The following AGMO variants were observed in gnomAD, a reference collection of about 807,000 sequenced individuals.
AGMO encodes the protein alkylglycerol monooxygenase.
In AGMO, 75 loss-of-function variants were observed where a neutral mutation model predicts 60.2. That is an observed-to-expected ratio of 1.25 (90% CI 1.03 to 1.51). The LOEUF (loss-of-function observed/expected upper bound fraction) is 1.51, where lower values mean the gene tolerates loss of function less well. Ranked by LOEUF, AGMO falls within the 40% of genes most tolerant of loss-of-function variation. The pLI, the probability that AGMO is intolerant of heterozygous loss-of-function variation, is 0.00. For missense variants in AGMO, 763 were observed against 525.5 expected, an observed-to-expected ratio of 1.45 and a Z score of -4.42; for synonymous variants, 261 against 177.1, an observed-to-expected ratio of 1.47 and a Z score of -3.76.
At chr7:15,361,935 T>C (rs1048519544) in intron 12 of AGMO, among the ~76,000 whole-genome samples, 2 of 152,146 alleles carry the variant, frequency 1.3e-5, no homozygotes, top group Admixed American at 6.5e-5. Flanking sequence ...ATGCTACCAA[T>C]ATATACAACA....
chr7:15,241,140 G>T (rs930458892), intron 12 of AGMO, among the ~76,000 whole-genome samples: 4 of 151,860 alleles, frequency 2.6e-5, no homozygotes. Flanking sequence ...CACTCTGGTA[G>T]GTATCAAGCC....
In AGMO at chr7:15,248,197, T is replaced by TATATAC. The variant is rs1215950987; in HGVS notation, c.1264-46839_1264-46838insGTATAT. Among the ~76,000 whole-genome samples, 24 of 82,614 alleles carry TATATAC rather than the reference T, an allele frequency of 2.9e-4. 1 individual carries two copies. Among genetic ancestry groups the TATATAC allele is most frequent in the Admixed American group, 6.1e-4 (5 of 8,258 alleles). The allele number at this position is 82,614 out of a possible 152,430, so 54.2% of individuals were successfully genotyped here. On this transcript the variant is annotated intron_variant, in intron 12 of 12. Transcript: ENST00000342526. ...CCAGCACCATATATATATATATATA[T>TATATAC]ATATATATATATATATATATATATA... is the stretch of plus-strand genomic sequence containing the variant.
chr7:15,378,703 C>T (rs1256328824), intron 10 of AGMO, among the ~76,000 whole-genome samples: 1 of 151,750 alleles, frequency 6.6e-6, no homozygotes, highest in Non-Finnish European at 1.5e-5. Flanking sequence ...CTGATAGATA[C>T]AGTCAGAACT....
chr7:15,233,396 G>T (rs999118243), intron 12 of AGMO, among the ~76,000 whole-genome samples: 1 of 152,144 alleles, frequency 6.6e-6, no homozygotes, highest in African/African-American at 2.4e-5. Context: ...TATCATCCAA[G>T]ATCCAGGCAG....
intron 12 of AGMO, among the ~76,000 whole-genome samples, chr7:15,355,900 A>C (rs1252241208): frequency 6.6e-6 from 1 of 152,200 alleles, no homozygotes; most frequent in Non-Finnish European, 1.5e-5. Flanking sequence ...ATTTCTAAAA[A>C]TCAAGAAAAA....
chr7:15,339,221 AG>A lies in AGMO; in HGVS notation c.1263+26292del, dbSNP rs113445846. 9.8e-5 allele frequency among the ~76,000 whole-genome samples: 15 copies of A among 152,302 alleles called. 2 individuals are homozygous for A. The highest frequency in any genetic ancestry group is 3.6e-4 in the African/African-American group (15 of 41,568). ...AGTACTAGTTGATCAATTCATGCTG[AG>A]GGGCCTGCAAAAATATCTACAGGGC... On this transcript the variant is annotated intron_variant, in intron 12 of 12. Coordinates refer to ENST00000342526, the MANE Select transcript of AGMO (RefSeq NM_001004320.2).
chr7:15,493,474 C>T (rs973716243), intron 3 of AGMO, among the ~76,000 whole-genome samples: 3 of 148,910 alleles, frequency 2.0e-5, no homozygotes, highest in South Asian at 4.2e-4. Flanking sequence ...CCCGGGTTCA[C>T]GCCATTCTCC....
At chr7:15,442,023 A>G (rs926598628) in intron 3 of AGMO, among the ~76,000 whole-genome samples, 4 of 152,178 alleles carry the variant, frequency 2.6e-5, no homozygotes, top group Non-Finnish European at 5.9e-5. Context: ...CGTCATAGCA[A>G]ATGAGTGTGG....
In AGMO at chr7:15,390,846, T is replaced by G; in HGVS notation, c.736A>C (p.Ile246Leu). ...TTTAATACATTTTACTTACCAAAAA[T>G]TTTATCCCAAATAATAAGAACACCA... Reference protein sequence around the residue: ...YAGVLIIWDKIFGTFEAENEK... With the variant: ...YAGVLIIWDKLFGTFEAENEK... Residue 246 changes from isoleucine (I) to leucine (L), a missense_variant, in exon 7 of 13, where the codon ATT becomes CTT. Transcript: ENST00000342526. The G allele has an allele frequency of 6.2e-7, 1 of 1,604,624 alleles. No individual in the cohort carries two copies. The highest frequency in any genetic ancestry group is 8.5e-7 in the Non-Finnish European group (1 of 1,173,654).
At chr7:15,150,893 G>A in the AGMO span, among the ~76,000 whole-genome samples, 5 of 152,012 alleles carry the variant, frequency 3.3e-5, no homozygotes, top group Admixed American at 2.6e-4. Flanking sequence ...CAGTAGTATT[G>A]GTACCAGTTC....
the AGMO span, among the ~76,000 whole-genome samples, chr7:15,120,439 C>T: frequency 6.6e-6 from 1 of 152,216 alleles, no homozygotes; most frequent in Non-Finnish European, 1.5e-5. Context: ...TCGCTAACCC[C>T]AATGTAAGGG....
At chr7:15,378,043 A>G (rs915474940) in intron 10 of AGMO, among the ~76,000 whole-genome samples, 1 of 152,024 alleles carries the variant, frequency 6.6e-6, no homozygotes, top group African/African-American at 2.4e-5. Flanking sequence ...AAGAAAAACA[A>G]ACAGTAACTA....
At chr7:15,397,367 G>T (rs1200415691) in intron 5 of AGMO, among the ~76,000 whole-genome samples, 1 of 151,846 alleles carries the variant, frequency 6.6e-6, no homozygotes, top group African/African-American at 2.4e-5. Flanking sequence ...CGCAGCCCCG[G>T]CTCCCGCACC....
chr7:15,364,409 G>A (rs1470980151), intron 12 of AGMO, among the ~76,000 whole-genome samples: 1 of 151,912 alleles, frequency 6.6e-6, no homozygotes, highest in Non-Finnish European at 1.5e-5. Context: ...CCTGTATCAT[G>A]TTTTACTGTT....
At chr7:15,239,379 G>A (rs1231163406) in intron 12 of AGMO, among the ~76,000 whole-genome samples, 1 of 152,122 alleles carries the variant, frequency 6.6e-6, no homozygotes, top group Non-Finnish European at 1.5e-5. Context: ...GGAAGTTCCT[G>A]TTATGAAATA....
At chr7:15,144,929 A>G in the AGMO span, among the ~76,000 whole-genome samples, 1 of 152,170 alleles carries the variant, frequency 6.6e-6, no homozygotes, top group African/African-American at 2.4e-5. Flanking sequence ...TTCCGGGTTC[A>G]CGCCATTCTC....
At chr7:15,343,550 C>G (rs564479576) in intron 12 of AGMO, among the ~76,000 whole-genome samples, 7 of 152,222 alleles carry the variant, frequency 4.6e-5, no homozygotes, top group East Asian at 1.9e-4. Flanking sequence ...GGACTTATTA[C>G]TATCAGGTAT....
chr7:15,497,409 T>C (rs999092273), intron 3 of AGMO, among the ~76,000 whole-genome samples: 3 of 152,098 alleles, frequency 2.0e-5, no homozygotes, highest in Non-Finnish European at 4.4e-5. Context: ...TTTTTTAACA[T>C]CACATATAAA....
At chr7:15,538,630 C>G (rs1179109388) in intron 3 of AGMO, among the ~76,000 whole-genome samples, 1 of 152,142 alleles carries the variant, frequency 6.6e-6, no homozygotes, top group Non-Finnish European at 1.5e-5. Flanking sequence ...AAAAGAAACA[C>G]AAGTACAGAA....
Sources: gnomAD v4.1 joint callset for allele counts (sites outside exome capture counted in the v4.1 genomes callset) on GRCh38, gnomAD v4.1.1 for gene constraint, MANE v1.5 for transcripts, NCBI Gene and HGNC (gene_info 2026-07-23, HGNC 2026-07-21) for gene names.